Variants in METTL22 observed in about 807,000 individuals in gnomAD.
METTL22 encodes methyltransferase 22, Kin17 lysine, also known as methyltransferase-like protein 22.
METTL22 carries 51 observed loss-of-function variants against 48.4 expected under a neutral mutation model. The ratio of observed to expected loss-of-function variants is 1.05; its 90% CI spans 0.84 to 1.33. The LOEUF (loss-of-function observed/expected upper bound fraction) is 1.33, where lower values mean the gene tolerates loss of function less well. METTL22 is among the 40% of genes most tolerant of loss of function. The pLI is 0.00. For synonymous variants in METTL22, 255 were observed against 214.1 expected (o/e 1.19, Z -1.67); for missense variants, 678 against 526.9 (o/e 1.29, Z -2.81).
At chr16:8,639,412 C>T (rs1206144166) in intron 6 of METTL22, 21 of 549,698 alleles carry the variant, frequency 3.8e-5, no homozygotes, top group Non-Finnish European at 6.2e-5. Context: ...ACACTGGCGG[C>T]GGCCCCTGAG....
chr16:8,660,630 A>G, the METTL22 span, among the ~76,000 whole-genome samples: 33,395 of 151,700 alleles, frequency 0.22, 3,941 homozygotes, highest in African/African-American at 0.31. Context: ...TGACTTTAAG[A>G]TAATTATGTT....
At position 8,647,045 on chromosome 16, in the gene METTL22, C is replaced by T. The variant is rs909384939; in HGVS notation, c.*902C>T. On this transcript the variant is annotated 3_prime_UTR_variant, in exon 11 of 11. Transcript: ENST00000381920. Reference sequence around the variant, plus strand: ...CCTTTCCCCTGCCTTGCTGCTGCCGCACACTTTGCACCAGGGCCTTTCATG... The same window carrying T: ...CCTTTCCCCTGCCTTGCTGCTGCCGTACACTTTGCACCAGGGCCTTTCATG... The T allele has an allele frequency of 1.1e-5, 3 of 280,706 alleles. No individual in the cohort carries two copies. Among genetic ancestry groups the T allele is most frequent in the Non-Finnish European group, 2.1e-5 (3 of 142,688 alleles). The allele number at this position is 280,706 out of a possible 1,614,324, so 17.4% of individuals were successfully genotyped here. A position where few individuals can be genotyped will look rare whatever the true frequency, so the allele number is the denominator to read the frequency against.
chr16:8,642,752 T>G, intron 9 of METTL22, 187 bp downstream of exon 9: 3 of 641,054 alleles, frequency 4.7e-6, no homozygotes, highest in Non-Finnish European at 8.4e-6. Context: ...CCTAGCCCTG[T>G]GTGCAGGCGC....
rs755845007 is a variant in METTL22, at chr16:8,628,856, C to T, written c.260C>T (p.Ser87Phe). ...PPSAETGSTG[S>F]PPGSGHGNEG... ...TCTGCTGAGACAGGCAGCACAGGGT[C>T]CCCTCCAGGAAGTGGCCATGGTAAT... The change falls in exon 3 of 11, where the codon TCC (serine) becomes TTC (phenylalanine). Residue 87 changes from serine (S) to phenylalanine (F), a missense_variant. Coordinates refer to ENST00000381920, the MANE Select transcript of METTL22 (RefSeq NM_024109.4). The T allele has an allele frequency of 2.5e-6, 4 of 1,613,726 alleles. No homozygotes were observed. The highest frequency in any genetic ancestry group is 1.7e-5 in the Admixed American group (1 of 59,984).
chr16:8,642,789 A>G (rs1810629199), intron 9 of METTL22: 2 of 596,804 alleles, frequency 3.4e-6, no homozygotes, highest in Admixed American at 5.8e-5. Context: ...TGATGAAGAG[A>G]GGAAGGCTGG....
At chr16:8,660,822 A>G in the METTL22 span, among the ~76,000 whole-genome samples, 22 of 1,666 alleles carry the variant, frequency 0.013, no homozygotes, top group Middle Eastern at 0.25. Flanking sequence ...GAGGAGGAGG[A>G]GGAGGAGGGG....
the METTL22 span, among the ~76,000 whole-genome samples, chr16:8,656,003 C>T: frequency 6.6e-6 from 1 of 152,176 alleles, no homozygotes; most frequent in Non-Finnish European, 1.5e-5. Flanking sequence ...TCCTGATGAC[C>T]ACATCTTTGC....
intron 9 of METTL22, chr16:8,644,311 G>A: frequency 9.2e-6 from 3 of 324,950 alleles, no homozygotes; most frequent in Middle Eastern, 9.2e-4. Context: ...GTCATTGTGG[G>A]CACGTGACCT....
At chr16:8,644,534 G>C (rs767824801) in intron 9 of METTL22, 23 bp from the exon 10 acceptor site, 1 of 1,524,892 alleles carries the variant, frequency 6.6e-7, no homozygotes, top group South Asian at 1.3e-5. Context: ...GGCAGTTTGT[G>C]CGTCCGACTG....
intron 3 of METTL22, among the ~76,000 whole-genome samples, chr16:8,629,735 G>T (rs1327846360): frequency 3.3e-5 from 5 of 152,172 alleles, no homozygotes; most frequent in South Asian, 2.1e-4. Context: ...CAGGTATGGG[G>T]GCAGAGCAGA....
intron 10 of METTL22, 83 bp from the exon 11 acceptor site, chr16:8,646,025 T>TCGCC (rs2056789525): frequency 3.8e-6 from 6 of 1,598,898 alleles, no homozygotes; most frequent in East Asian, 2.2e-5. Context: ...ACTACTCTCC[T>TCGCC]TGGTGAATCA....
At chr16:8,659,579 A>G in the METTL22 span, among the ~76,000 whole-genome samples, 1 of 152,212 alleles carries the variant, frequency 6.6e-6, no homozygotes, top group Admixed American at 6.5e-5. Flanking sequence ...CAATAAACAA[A>G]TAAATGCAAA....
the METTL22 span, among the ~76,000 whole-genome samples, chr16:8,660,421 C>T: frequency 3.3e-4 from 50 of 151,970 alleles, no homozygotes; most frequent in Non-Finnish European, 4.7e-4. Context: ...TCAAGTGATC[C>T]GCCTGCTTCG....
chr16:8,640,946 G>GGATGGC (rs1332913099), intron 6 of METTL22, among the ~76,000 whole-genome samples, 185 bp from the exon 7 acceptor site: 1 of 35,218 alleles, frequency 2.8e-5, no homozygotes, highest in African/African-American at 1.1e-4. Context: ...GGATGGATGG[G>GGATGGC]TGGGTGGATG....
downstream of METTL22, among the ~76,000 whole-genome samples, chr16:8,653,847 C>T (rs2056930314): frequency 6.6e-6 from 1 of 152,108 alleles, no homozygotes; most frequent in South Asian, 2.1e-4. Context: ...ACACTGGGAC[C>T]ATCTCCTATA....
chr16:8,638,865 G>A (rs568646386), intron 5 of METTL22, among the ~76,000 whole-genome samples: 5 of 152,350 alleles, frequency 3.3e-5, no homozygotes, highest in African/African-American at 1.2e-4. Flanking sequence ...CCTCTGGAAT[G>A]CGCACTGTCT....
Position 8,646,107 on chromosome 16 carries a change from G to A in METTL22, c.1180-1G>A. 7.9e-6 allele frequency: 11 copies of A among 1,384,756 alleles called. No individual in the cohort carries two copies. The highest frequency in any genetic ancestry group is 1.0e-5 in the Non-Finnish European group (11 of 1,065,150). The allele number at this position is 1,384,756 out of a possible 1,614,324, so 85.8% of individuals were successfully genotyped here. On this transcript the variant is annotated splice_acceptor_variant, in intron 10 of 10. Transcript: ENST00000381920. LOFTEE classifies it high-confidence loss of function. The stretch of plus-strand genomic sequence containing the variant: ...CCTGTTCTTTTCTCTGTTTGCTGCA[G>A]GAGCTCTGGAAGATCATCGCAGAAC...
chr16:8,654,087 A>C (rs2141840009), downstream of METTL22, among the ~76,000 whole-genome samples: 1 of 152,334 alleles, frequency 6.6e-6, no homozygotes, highest in East Asian at 1.9e-4. Flanking sequence ...GGTGATAGCC[A>C]ACTGTCCTAA....
chr16:8,629,970 G>A (rs528203554), intron 3 of METTL22, among the ~76,000 whole-genome samples: 12 of 152,108 alleles, frequency 7.9e-5, no homozygotes, highest in Non-Finnish European at 1.8e-4. Flanking sequence ...GGTGGTGAGC[G>A]AGCTTCGAAT....
Sources: allele counts gnomAD v4.1 joint callset (sites outside exome capture counted in the v4.1 genomes callset), GRCh38; gene constraint gnomAD v4.1.1; transcripts MANE v1.5; gene names NCBI Gene and HGNC (gene_info 2026-07-23, HGNC 2026-07-21).